The following ZNF236 variants were observed in gnomAD, a reference collection of about 807,000 sequenced individuals.
The protein encoded by ZNF236 is regulated by glucose.
In ZNF236, 50 loss-of-function variants were observed where a neutral mutation model predicts 191.2. The observed-to-expected ratio is 0.26, with a 90% confidence interval of 0.21 to 0.33. The LOEUF is 0.33. ZNF236 is among the 10% of genes least tolerant of loss of function. The pLI, the probability that ZNF236 is intolerant of heterozygous loss-of-function variation, is 1.00. For synonymous variants in ZNF236, 907 were observed against 928.8 expected (o/e 0.98, Z 0.43); for missense variants, 1,754 against 2,374.5 (o/e 0.74, Z 5.43).
chr18:76,950,121 A>G (rs1261081168), intron 27 of ZNF236, among the ~76,000 whole-genome samples: 2 of 152,010 alleles, frequency 1.3e-5, no homozygotes, highest in Non-Finnish European at 2.9e-5. Context: ...GTGGTTGTTG[A>G]AGTTTGGGGT....
At chr18:76,839,931 T>C (rs1220846505) in intron 1 of ZNF236, among the ~76,000 whole-genome samples, 1 of 152,244 alleles carries the variant, frequency 6.6e-6, no homozygotes, top group Non-Finnish European at 1.5e-5. Context: ...GCACTCTACT[T>C]TGCAATATGC....
intron 26 of ZNF236, among the ~76,000 whole-genome samples, chr18:76,938,647 G>A (rs139324357): frequency 4.3e-4 from 65 of 152,296 alleles, no homozygotes; most frequent in Non-Finnish European, 7.1e-4. Flanking sequence ...CTCACATGTT[G>A]TTGGCAAATA....
At chr18:76,852,043 G>C (rs1975893561) in intron 3 of ZNF236, 104 bp downstream of exon 3, 2 of 1,218,986 alleles carry the variant, frequency 1.6e-6, no homozygotes, top group Admixed American at 2.6e-5. Context: ...AAAGCCTTTT[G>C]TGTAGATTTC....
chr18:76,879,715 A>C (rs1381351960), intron 7 of ZNF236, among the ~76,000 whole-genome samples: 2 of 152,214 alleles, frequency 1.3e-5, no homozygotes, highest in Non-Finnish European at 2.9e-5. Context: ...CCTTGCAGGA[A>C]GAATTTTTTC....
rs748778291 is a variant in ZNF236, at chr18:76,849,584, C to T, written c.114C>T (p.Phe38=). 6.2e-7 allele frequency: 1 copy of T among 1,612,066 alleles called. No individual in the cohort carries two copies. Among genetic ancestry groups the T allele is most frequent in the East Asian group, 2.2e-5 (1 of 44,728 alleles). The part of the protein sequence containing the change: ...NTNYAYQVPN[F]HKCEICLLSF... Reference sequence around the variant, plus strand: ...ATTATGCCTATCAAGTTCCAAACTTCCATAAATGTGAAATCTGTCTACTAT... The same window carrying T: ...ATTATGCCTATCAAGTTCCAAACTTTCATAAATGTGAAATCTGTCTACTAT... The change falls in exon 2 of 31, where the codon TTC becomes TTT. Residue 38 remains phenylalanine (F), a synonymous_variant. Transcript: ENST00000320610.
rs757175816 is a variant in ZNF236, at chr18:76,904,419, G to A, written c.1934G>A (p.Ser645Asn). 6.2e-7 allele frequency: 1 copy of A among 1,609,046 alleles called. No homozygotes were observed. The highest frequency in any genetic ancestry group is 1.1e-5 in the South Asian group (1 of 90,354). The change falls in exon 12 of 31, where the codon AGC becomes AAC. Residue 645 changes from serine (S) to asparagine (N), a missense_variant. By Grantham distance (46) the Ser-to-Asn change is conservative. Coordinates refer to ENST00000320610, the MANE Select transcript of ZNF236 (RefSeq NM_001306089.2). Reference sequence around the variant, plus strand: ...ATTCCAAAAAACCAGTTTTTCCAAAGCTATTTCAATAATAATTTTGTCAAT... The same window carrying A: ...ATTCCAAAAAACCAGTTTTTCCAAAACTATTTCAATAATAATTTTGTCAAT... ...QPIPKNQFFQ[S>N]YFNNNFVNEA...
At chr18:76,915,420 T>C (rs1455611421) in intron 18 of ZNF236, among the ~76,000 whole-genome samples, 1 of 152,128 alleles carries the variant, frequency 6.6e-6, no homozygotes, top group Admixed American at 6.5e-5. Context: ...CTATGTCAAC[T>C]TCCATGTTCT....
intron 3 of ZNF236, among the ~76,000 whole-genome samples, chr18:76,857,001 A>T (rs1307537801): frequency 6.6e-6 from 1 of 152,164 alleles, no homozygotes; most frequent in Non-Finnish European, 1.5e-5. Context: ...ATGCATCCAC[A>T]CTGATGCTGC....
chr18:76,832,460 A>G (rs1478950391), intron 1 of ZNF236, among the ~76,000 whole-genome samples: 1 of 150,692 alleles, frequency 6.6e-6, no homozygotes, highest in Non-Finnish European at 1.5e-5. Context: ...TTTTTTTTAC[A>G]CATATAGATA....
chr18:76,895,347 C>T, intron 10 of ZNF236, 62 bp downstream of exon 10: 1 of 1,577,060 alleles, frequency 6.3e-7, no homozygotes, highest in Non-Finnish European at 8.6e-7. Flanking sequence ...CATTACTGCG[C>T]ACATATACCA....
At chr18:76,943,293 A>G (rs75348845) in intron 26 of ZNF236, among the ~76,000 whole-genome samples, 2,397 of 152,244 alleles carry the variant, frequency 0.016, 30 homozygotes, top group Middle Eastern at 0.02. Context: ...AAATTGGCTA[A>G]TTTTGAAATG....
chr18:76,928,491 C>G (rs771728081), intron 25 of ZNF236, among the ~76,000 whole-genome samples: 1 of 152,196 alleles, frequency 6.6e-6, no homozygotes, highest in Non-Finnish European at 1.5e-5. Flanking sequence ...GCATGGCACT[C>G]TCTTTACCGT....
intron 3 of ZNF236, among the ~76,000 whole-genome samples, chr18:76,863,457 C>T (rs973440941): frequency 2.6e-5 from 4 of 152,162 alleles, no homozygotes; most frequent in African/African-American, 7.2e-5. Context: ...GAGAAATGAT[C>T]TGTTGTTTGC....
chr18:76,927,306 A>G lies in ZNF236; in HGVS notation c.4203A>G (p.Leu1401=), dbSNP rs769810895. The G allele has an allele frequency of 4.3e-6, 7 of 1,614,048 alleles. No individual in the cohort carries two copies. Among genetic ancestry groups the G allele is most frequent in the African/African-American group, 1.3e-5 (1 of 74,918 alleles). Reference sequence around the variant, plus strand: ...ATCCAAGCATTCTGCAGCAGACGCTACAGCAGGGCAACCTATTGGCTCAGC... The same window carrying G: ...ATCCAAGCATTCTGCAGCAGACGCTGCAGCAGGGCAACCTATTGGCTCAGC... ...QIDPSILQQT[L]QQGNLLAQQL... Residue 1401 remains leucine (L), a synonymous_variant, in exon 24 of 31, where the codon CTA becomes CTG. Coordinates refer to ENST00000320610, the MANE Select transcript of ZNF236 (RefSeq NM_001306089.2). The surrounding 1 kb of genome is among the most constrained non-coding windows in gnomAD (Gnocchi z 5.4).
chr18:76,826,239 G>T (rs1975015281), intron 1 of ZNF236, among the ~76,000 whole-genome samples: 1 of 150,456 alleles, frequency 6.6e-6, no homozygotes, highest in South Asian at 2.1e-4. Context: ...AGCCTCCCGA[G>T]TAACTGGTAT....
intron 11 of ZNF236, among the ~76,000 whole-genome samples, chr18:76,901,710 A>G (rs1416233322): frequency 1.3e-5 from 2 of 152,042 alleles, no homozygotes; most frequent in African/African-American, 4.8e-5. Flanking sequence ...GTAAGCCAAG[A>G]TTGCACCACT....
intron 19 of ZNF236, among the ~76,000 whole-genome samples, chr18:76,916,519 G>T (rs1002940872): frequency 6.6e-6 from 1 of 152,134 alleles, no homozygotes; most frequent in Admixed American, 6.5e-5. Flanking sequence ...ACGTTAATTC[G>T]CCCAAGTCCC....
intron 1 of ZNF236, among the ~76,000 whole-genome samples, chr18:76,842,583 G>A (rs1051895254): frequency 2.0e-5 from 3 of 151,906 alleles, no homozygotes; most frequent in Non-Finnish European, 4.4e-5. Flanking sequence ...GAAACCCCAT[G>A]TCTACTAAAA....
chr18:76,827,195 CTGT>C (rs1426750984), intron 1 of ZNF236, among the ~76,000 whole-genome samples: 1 of 149,120 alleles, frequency 6.7e-6, no homozygotes. Context: ...AGTGCCCGGC[CTGT>C]TGTTGAGACG....
Sources: allele counts gnomAD v4.1 joint callset (sites outside exome capture counted in the v4.1 genomes callset), GRCh38; gene constraint gnomAD v4.1.1; non-coding constraint Gnocchi (gnomAD v3.1); transcripts MANE v1.5; gene names NCBI Gene and HGNC (gene_info 2026-07-23, HGNC 2026-07-21).